FOCAD: variants seen among roughly 807,000 people sequenced by gnomAD.
The protein encoded by FOCAD is focadhesin, also known as KIAA1797.
In FOCAD, 198 loss-of-function variants were observed where a neutral mutation model predicts 225.6. The observed-to-expected ratio is 0.88, with a 90% CI of 0.78 to 0.99. The LOEUF (loss-of-function observed/expected upper bound fraction) is 0.99, where lower values mean the gene tolerates loss of function less well. Among genes scored for constraint, FOCAD ranks in the 50% least tolerant of loss-of-function variants. FOCAD has a pLI of 0.00. For synonymous variants in FOCAD, 897 were observed against 755.0 expected, an observed-to-expected ratio of 1.19 and a Z score of -3.08; for missense variants, 2,713 against 2,123.6, an observed-to-expected ratio of 1.28 and a Z score of -5.46.
At chr9:20,741,600 A>G (rs1190050371) in intron 5 of FOCAD, among the ~76,000 whole-genome samples, 1 of 151,996 alleles carries the variant, frequency 6.6e-6, no homozygotes, top group Non-Finnish European at 1.5e-5. Flanking sequence ...AGGGAAGCAA[A>G]AGGAAAATTA....
At chr9:20,835,859 A>G (rs1468889736) in intron 15 of FOCAD, among the ~76,000 whole-genome samples, 2 of 152,040 alleles carry the variant, frequency 1.3e-5, no homozygotes, top group African/African-American at 2.4e-5. Context: ...AGAGGGTGCT[A>G]TATTTTCAAA....
intron 39 of FOCAD, among the ~76,000 whole-genome samples, chr9:20,984,523 AAAATTT>A (rs1840981299): frequency 6.6e-6 from 1 of 152,238 alleles, no homozygotes; most frequent in South Asian, 2.1e-4. Flanking sequence ...GATTAATAAA[AAAATTT>A]AAAGCATAAA....
At chr9:20,837,767 A>G (rs1428174268) in intron 15 of FOCAD, among the ~76,000 whole-genome samples, 1 of 152,148 alleles carries the variant, frequency 6.6e-6, no homozygotes, top group Admixed American at 6.6e-5. Flanking sequence ...TTTATAAACA[A>G]TGGTGTTATT....
chr9:20,887,486 C>T (rs1471488302), intron 21 of FOCAD, among the ~76,000 whole-genome samples: 3 of 152,146 alleles, frequency 2.0e-5, no homozygotes, highest in South Asian at 2.1e-4. Flanking sequence ...CCACTTGCCT[C>T]GGCCTCCCAA....
chr9:20,779,430 A>G (rs1366202949), intron 9 of FOCAD, among the ~76,000 whole-genome samples: 1 of 152,242 alleles, frequency 6.6e-6, no homozygotes, highest in African/African-American at 2.4e-5. Flanking sequence ...ATATGTTGAT[A>G]TGCTGCTGTT....
At chr9:20,740,375 A>G (rs753239197) in intron 5 of FOCAD, 35 bp downstream of exon 5, 3 of 1,175,840 alleles carry the variant, frequency 2.6e-6, no homozygotes, top group African/African-American at 3.1e-5. Context: ...TTAAACAAAT[A>G]TGAATTTTTA....
chr9:20,739,210 A>C (rs1445940876), intron 4 of FOCAD, among the ~76,000 whole-genome samples: 1 of 152,268 alleles, frequency 6.6e-6, no homozygotes, highest in Non-Finnish European at 1.5e-5. Context: ...ATTGATTTCT[A>C]ATCAACTATG....
At chr9:20,776,099 A>C (rs552965805) in intron 8 of FOCAD, among the ~76,000 whole-genome samples, 4 of 152,196 alleles carry the variant, frequency 2.6e-5, no homozygotes, top group Non-Finnish European at 5.9e-5. Context: ...GAGAGGCAAT[A>C]CAGGCATCAT....
intron 2 of FOCAD, among the ~76,000 whole-genome samples, chr9:20,663,147 G>C (rs543363719): frequency 6.6e-6 from 1 of 152,250 alleles, no homozygotes; most frequent in East Asian, 1.9e-4. Flanking sequence ...AGCTCTTTGA[G>C]AGGCTGAGGT....
At chr9:20,680,240 G>A (rs778264716), upstream of FOCAD, among the ~76,000 whole-genome samples, 4 of 152,102 alleles carry the variant, frequency 2.6e-5, no homozygotes, top group Admixed American at 6.5e-5. Context: ...TTTTTTGTCC[G>A]GCCTTCACCT....
intron 6 of FOCAD, among the ~76,000 whole-genome samples, chr9:20,759,887 A>G (rs149901375): frequency 2.6e-5 from 4 of 152,336 alleles, no homozygotes; most frequent in African/African-American, 4.8e-5. Context: ...TAGTCTCTCC[A>G]TTAGAAAACT....
At position 20,987,732 on chromosome 9, in the gene FOCAD, G is replaced by C. The variant is rs193118222; in HGVS notation, c.4907-600G>C. Among the ~76,000 whole-genome samples, 11 of 152,218 alleles carry C rather than the reference G, an allele frequency of 7.2e-5. No individual in the cohort carries two copies. The East Asian group carries it at 1.9e-3, about 27-fold the overall frequency. On this transcript the variant is annotated intron_variant, in intron 40 of 43. Transcript: ENST00000338382. ...CTGAAATAAATTTGATGTTGCCTTTGGTTCCAACCAGAACCAGCCAGCTCT... is the reference window on the plus strand; with the variant it reads ...CTGAAATAAATTTGATGTTGCCTTTCGTTCCAACCAGAACCAGCCAGCTCT...
intron 1 of FOCAD, among the ~76,000 whole-genome samples, chr9:20,693,649 C>G (rs1406993029): frequency 2.6e-5 from 4 of 152,172 alleles, no homozygotes; most frequent in African/African-American, 9.7e-5. Flanking sequence ...TGGAAAAGCT[C>G]TGGACCATTA....
chr9:20,663,474 A>AACAC (rs367867901), intron 2 of FOCAD, among the ~76,000 whole-genome samples: 55,801 of 148,762 alleles, frequency 0.38, 10,368 homozygotes, highest in South Asian at 0.54. Flanking sequence ...TGTGTGCATG[A>AACAC]ACACACACAC....
At chr9:20,815,610 T>C (rs945631293) in intron 11 of FOCAD, among the ~76,000 whole-genome samples, 2 of 151,916 alleles carry the variant, frequency 1.3e-5, no homozygotes, top group Non-Finnish European at 2.9e-5. Context: ...CATAGTCTTA[T>C]AGGGGCTCCC....
At chr9:20,866,888 C>CTTTTTTTTTTTTATTTTTTTT (rs1829316579) in intron 17 of FOCAD, 41 bp from the exon 18 acceptor site, 1 of 327,982 alleles carries the variant, frequency 3.0e-6, no homozygotes, top group Non-Finnish European at 4.3e-6. Flanking sequence ...TGTTTGCTTG[C>CTTTTTTTTTTTTATTTTTTTT]TTTTTTTTTT....
chr9:20,893,961 A>G lies in FOCAD; in HGVS notation c.2625+8731A>G, dbSNP rs73424626. The stretch of plus-strand genomic sequence containing the variant: ...TGAACAAATGCATAGTGGCATGCAT[A>G]TAATCATATAATCATTTTAGTATCA... On this transcript the variant is annotated intron_variant, in intron 21 of 43. Transcript: ENST00000338382. Among the ~76,000 whole-genome samples, 218 of 152,276 alleles carry G rather than the reference A, an allele frequency of 1.4e-3. 1 individual carries two copies. The highest frequency in any genetic ancestry group is 5.1e-3 in the African/African-American group (213 of 41,570).
chr9:20,976,807 GT>G (rs1363145919), intron 36 of FOCAD, among the ~76,000 whole-genome samples: 4 of 152,190 alleles, frequency 2.6e-5, no homozygotes, highest in African/African-American at 9.7e-5. Flanking sequence ...TGCTGGGAAT[GT>G]GGTACAGGTT....
intron 5 of FOCAD, among the ~76,000 whole-genome samples, chr9:20,747,913 GTTA>G (rs1828195761): frequency 6.7e-6 from 1 of 149,766 alleles, no homozygotes; most frequent in African/African-American, 2.4e-5. Flanking sequence ...GAGTAGTTTA[GTTA>G]TTGTTTTTCA....
Sources: allele counts gnomAD v4.1 joint callset (sites outside exome capture counted in the v4.1 genomes callset), GRCh38; gene constraint gnomAD v4.1.1; transcripts MANE v1.5; gene names NCBI Gene and HGNC (gene_info 2026-07-23, HGNC 2026-07-21).